The following TCF7L2 variants were observed in gnomAD, a reference collection of about 807,000 sequenced individuals.
TCF7L2 encodes the protein transcription factor 7 like 2.
In TCF7L2, 23 loss-of-function variants were observed where a neutral mutation model predicts 77.9. The ratio of observed to expected loss-of-function variants is 0.30; its 90% CI spans 0.21 to 0.42. The LOEUF (loss-of-function observed/expected upper bound fraction) is 0.42. Ranked by LOEUF, TCF7L2 falls within the 10% of genes least tolerant of loss-of-function variation. The probability of loss-of-function intolerance (pLI) is 1.00; values close to 1 mark genes in which losing one functional copy is unlikely to be tolerated. For synonymous variants in TCF7L2, 413 were observed against 340.2 expected (o/e 1.21, Z -2.36); for missense variants, 654 against 793.1 (o/e 0.82, Z 2.11).
At chr10:112,973,246 A>G (rs2038674587) in intron 4 of TCF7L2, among the ~76,000 whole-genome samples, 1 of 152,198 alleles carries the variant, frequency 6.6e-6, no homozygotes, top group African/African-American at 2.4e-5. Flanking sequence ...GCAAGCTTTT[A>G]ATTAATGCTG....
chr10:113,091,936 C>G (rs953956982), intron 5 of TCF7L2, among the ~76,000 whole-genome samples: 2 of 152,192 alleles, frequency 1.3e-5, no homozygotes, highest in Non-Finnish European at 2.9e-5. Flanking sequence ...TCAGTAGCCT[C>G]TCACTGGTTC....
At chr10:112,995,836 CT>C (rs1471383516) in intron 4 of TCF7L2, among the ~76,000 whole-genome samples, 8 of 152,274 alleles carry the variant, frequency 5.3e-5, no homozygotes, top group Non-Finnish European at 1.2e-4. Context: ...TTCCCCATCC[CT>C]GATGAGGGTA....
At chr10:113,072,063 T>C (rs1039194529) in intron 5 of TCF7L2, among the ~76,000 whole-genome samples, 1 of 152,150 alleles carries the variant, frequency 6.6e-6, no homozygotes, top group African/African-American at 2.4e-5. Flanking sequence ...TTAATTAGTT[T>C]ATTTATTTTT....
At chr10:113,123,978 G>A (rs916361819) in intron 5 of TCF7L2, among the ~76,000 whole-genome samples, 1 of 152,160 alleles carries the variant, frequency 6.6e-6, no homozygotes. Context: ...GGGCAAGATA[G>A]GATGTTTGTA....
intron 4 of TCF7L2, among the ~76,000 whole-genome samples, chr10:112,998,462 G>C (rs755361432): frequency 3.9e-5 from 6 of 152,200 alleles, no homozygotes; most frequent in Non-Finnish European, 7.3e-5. Context: ...CAGATGTGAT[G>C]AGATCTCTGC....
chr10:113,017,855 C>T (rs1317424544), intron 4 of TCF7L2, among the ~76,000 whole-genome samples: 1 of 152,214 alleles, frequency 6.6e-6, no homozygotes, highest in East Asian at 1.9e-4. Context: ...AACAGAGTTA[C>T]GTTTCTATTC....
At chr10:112,987,423 T>G (rs1317407195) in intron 4 of TCF7L2, 3 of 151,922 alleles carry the variant, frequency 2.0e-5, no homozygotes, top group Admixed American at 6.6e-5. Flanking sequence ...AAGTTTTTTT[T>G]TTTTTTTTTT....
chr10:113,146,375 A>G (rs1485614153), intron 8 of TCF7L2, among the ~76,000 whole-genome samples: 1 of 152,246 alleles, frequency 6.6e-6, no homozygotes, highest in Non-Finnish European at 1.5e-5. Flanking sequence ...AGAAGCTTTT[A>G]AAAATGCCAT....
At chr10:112,972,339 T>C (rs1409981510) in intron 4 of TCF7L2, among the ~76,000 whole-genome samples, 1 of 152,220 alleles carries the variant, frequency 6.6e-6, no homozygotes, top group African/African-American at 2.4e-5. Flanking sequence ...AAAGCATTTG[T>C]TTATGGAAGA....
intron 6 of TCF7L2, 94 bp downstream of exon 6, chr10:113,141,410 G>A (rs2068354137): frequency 1.9e-6 from 3 of 1,551,070 alleles, no homozygotes; most frequent in Non-Finnish European, 2.6e-6. Context: ...GGGTGGAGCA[G>A]TAGGGGACTT....
At position 113,151,575 on chromosome 10, in the gene TCF7L2, T is replaced by A; in HGVS notation, c.1002-150T>A. The A allele has an allele frequency of 1.0e-6, 1 of 976,364 alleles. No homozygotes were observed. Among genetic ancestry groups the A allele is most frequent in the East Asian group, 2.9e-5 (1 of 34,934 alleles). The allele number at this position is 976,364 out of a possible 1,614,324, so 60.5% of individuals were successfully genotyped here. ...CCTCCCCAAGCTATTTTTGTTCCATTTTCCGGGGTGCAGAAGAACTAAAAG... is the reference window on the plus strand; with the variant it reads ...CCTCCCCAAGCTATTTTTGTTCCATATTCCGGGGTGCAGAAGAACTAAAAG... On this transcript the variant is annotated intron_variant, in intron 9 of 13. Coordinates refer to ENST00000627217, the MANE Select transcript of TCF7L2 (RefSeq NM_001146274.2). The surrounding 1 kb of genome is among the most constrained non-coding windows in gnomAD (Gnocchi z 5.2).
intron 5 of TCF7L2, among the ~76,000 whole-genome samples, chr10:113,063,800 C>T (rs750222275): frequency 7.9e-5 from 12 of 151,694 alleles, no homozygotes; most frequent in African/African-American, 1.7e-4. Flanking sequence ...GGGAAGGTCC[C>T]GAGAGATCTG....
intron 5 of TCF7L2, among the ~76,000 whole-genome samples, chr10:113,115,729 G>A (rs2063641199): frequency 6.6e-6 from 1 of 152,064 alleles, no homozygotes; most frequent in South Asian, 2.1e-4. Flanking sequence ...GTATCTAATG[G>A]AGCTGTGTGC....
chr10:112,961,254 A>ACCGCCCCCCCCCCCCCCCCC (rs1349844083), intron 3 of TCF7L2, among the ~76,000 whole-genome samples: 2 of 60,482 alleles, frequency 3.3e-5, no homozygotes, highest in African/African-American at 3.0e-4. Flanking sequence ...ACCTCAGGTG[A>ACCGCCCCCCCCCCCCCCCCC]CCCCCCCCCC....
chr10:112,990,732 AAT>A (rs1253227056), intron 4 of TCF7L2, among the ~76,000 whole-genome samples: 1 of 152,110 alleles, frequency 6.6e-6, no homozygotes, highest in African/African-American at 2.4e-5. Context: ...ATAAATAAAA[AAT>A]AAAAAAAATT....
intron 5 of TCF7L2, among the ~76,000 whole-genome samples, chr10:113,048,900 A>G (rs1353437932): frequency 1.3e-5 from 2 of 152,182 alleles, no homozygotes; most frequent in East Asian, 3.9e-4. Flanking sequence ...AGGCTGTATG[A>G]AGTCATTTGA....
intron 4 of TCF7L2, among the ~76,000 whole-genome samples, chr10:112,991,304 C>T (rs990135783): frequency 6.6e-6 from 1 of 151,802 alleles, no homozygotes; most frequent in Admixed American, 6.6e-5. Flanking sequence ...CTGAGGCGGG[C>T]GGATCACAAG....
At chr10:113,059,478 C>A (rs1344743967) in intron 5 of TCF7L2, among the ~76,000 whole-genome samples, 2 of 151,878 alleles carry the variant, frequency 1.3e-5, no homozygotes, top group African/African-American at 2.4e-5. Context: ...GGGGAAAAGG[C>A]GGGGGTTGGG....
At chr10:113,049,703 G>A (rs748439598) in intron 5 of TCF7L2, among the ~76,000 whole-genome samples, 32 of 152,082 alleles carry the variant, frequency 2.1e-4, no homozygotes, top group Admixed American at 3.9e-4. Flanking sequence ...ACTGAAAGTC[G>A]GGATAAATTT....
Sources: allele counts gnomAD v4.1 joint callset (sites outside exome capture counted in the v4.1 genomes callset), GRCh38; gene constraint gnomAD v4.1.1; non-coding constraint Gnocchi (gnomAD v3.1); transcripts MANE v1.5; gene names NCBI Gene and HGNC (gene_info 2026-07-23, HGNC 2026-07-21).